The following XKR9 variants were observed in gnomAD, a reference collection of about 807,000 sequenced individuals.
The protein encoded by XKR9 is XK-related protein 9.
In XKR9, 32 loss-of-function variants were observed where a neutral mutation model predicts 32.0. The ratio of observed to expected loss-of-function variants is 1.00; its 90% CI spans 0.76 to 1.34. The LOEUF (loss-of-function observed/expected upper bound fraction) is 1.34, where lower values mean the gene tolerates loss of function less well. Among genes scored for constraint, XKR9 ranks in the 40% most tolerant of loss-of-function variants. The probability of loss-of-function intolerance (pLI) is 0.00; values close to 1 mark genes in which losing one functional copy is unlikely to be tolerated. For synonymous variants in XKR9, 168 were observed against 143.4 expected (o/e 1.17, Z -1.22); for missense variants, 546 against 429.7 (o/e 1.27, Z -2.39).
rs139857566 is a variant in XKR9, at chr8:70,699,210, T to A, written c.273-7723T>A. On this transcript the variant is annotated intron_variant, in intron 3 of 4. Coordinates refer to ENST00000408926, the MANE Select transcript of XKR9 (RefSeq NM_001011720.2). ...TAAAGTTAATATTGTTGTGTGTGAA[T>A]TTGATCCTGTCATTATGATGTTAGC... 9.4e-3 allele frequency among the ~76,000 whole-genome samples: 1,428 copies of A among 152,342 alleles called. 21 individuals carry two copies. Among genetic ancestry groups the A allele is most frequent in the African/African-American group, 0.033 (1,359 of 41,572 alleles).
chr8:70,723,819 G>T (rs1450768624), intron 4 of XKR9, among the ~76,000 whole-genome samples: 1 of 151,706 alleles, frequency 6.6e-6, no homozygotes, highest in African/African-American at 2.4e-5. Context: ...GAGGCAGTCT[G>T]TCCCTTATCA....
intron 2 of XKR9, among the ~76,000 whole-genome samples, chr8:70,758,626 C>T (rs951590504): frequency 6.6e-6 from 1 of 152,198 alleles, no homozygotes; most frequent in Non-Finnish European, 1.5e-5. Context: ...TCAGTTCTTT[C>T]TAAACATTGT....
chr8:70,857,895 G>A, the XKR9 span, among the ~76,000 whole-genome samples: 2 of 152,060 alleles, frequency 1.3e-5, no homozygotes, highest in Non-Finnish European at 2.9e-5. Context: ...TGCAGAAAAG[G>A]CCTTTGACAA....
chr8:70,805,383 C>T, the XKR9 span, among the ~76,000 whole-genome samples: 11 of 152,216 alleles, frequency 7.2e-5, no homozygotes, highest in African/African-American at 1.2e-4. Flanking sequence ...CTTAGCCTAC[C>T]GAGCTCCCGG....
At chr8:70,967,819 G>T in the XKR9 span, among the ~76,000 whole-genome samples, 1 of 151,986 alleles carries the variant, frequency 6.6e-6, no homozygotes, top group Non-Finnish European at 1.5e-5. Context: ...TAGTCTGATG[G>T]CCTTCTCTTT....
At chr8:70,908,743 T>A in the XKR9 span, among the ~76,000 whole-genome samples, 467 of 152,350 alleles carry the variant, frequency 3.1e-3, 3 homozygotes, top group African/African-American at 0.011. Context: ...TTTTTGTGTG[T>A]CATAAAATCT....
intron 4 of XKR9, among the ~76,000 whole-genome samples, chr8:70,710,370 C>T (rs1346817227): frequency 6.6e-6 from 1 of 152,132 alleles, no homozygotes; most frequent in Non-Finnish European, 1.5e-5. Context: ...CCATTCTGGA[C>T]ATAGGCCTTG....
chr8:71,053,233 T>C, the XKR9 span, among the ~76,000 whole-genome samples: 7 of 152,230 alleles, frequency 4.6e-5, no homozygotes, highest in Non-Finnish European at 7.3e-5. Flanking sequence ...TTGGAGAGTT[T>C]TGTGTGTGCA....
chr8:71,018,259 G>C, the XKR9 span, among the ~76,000 whole-genome samples: 1 of 152,096 alleles, frequency 6.6e-6, no homozygotes, highest in African/African-American at 2.4e-5. Flanking sequence ...TCAGCATATA[G>C]GCATACAGAT....
the XKR9 span, among the ~76,000 whole-genome samples, chr8:71,036,765 C>T: frequency 4.6e-5 from 7 of 152,034 alleles, no homozygotes; most frequent in East Asian, 1.3e-3. Flanking sequence ...TCATTTTTCC[C>T]TGAATACTAG....
chr8:70,760,353 G>T (rs1255507011), intron 2 of XKR9, among the ~76,000 whole-genome samples: 1 of 151,976 alleles, frequency 6.6e-6, no homozygotes, highest in Non-Finnish European at 1.5e-5. Flanking sequence ...GTTTCTTTTG[G>T]GGTTAAATAA....
chr8:70,858,745 T>C, the XKR9 span, among the ~76,000 whole-genome samples: 9 of 151,838 alleles, frequency 5.9e-5, no homozygotes, highest in African/African-American at 1.9e-4. Context: ...ATCAAGAACA[T>C]ACAGTGGGGG....
rs1352936994 is a variant in XKR9, at chr8:70,734,027, G to A, written c.725G>A (p.Gly242Asp). The A allele has an allele frequency of 4.3e-6, 7 of 1,613,164 alleles. No homozygotes were observed. Among genetic ancestry groups the A allele is most frequent in the Non-Finnish European group, 5.1e-6 (6 of 1,179,714 alleles). Residue 242 changes from glycine (G) to aspartate (D), a missense_variant, in exon 5 of 5, where the codon GGT becomes GAT. Coordinates refer to ENST00000408926, the MANE Select transcript of XKR9 (RefSeq NM_001011720.2). ...LFLLLFLWLL[G>D]IIWAFKNNTQ... ...CTGTTGTTATTTCTTTGGTTGTTAGGTATAATATGGGCATTTAAAAACAAC... is the reference window on the plus strand; with the variant it reads ...CTGTTGTTATTTCTTTGGTTGTTAGATATAATATGGGCATTTAAAAACAAC...
chr8:71,051,278 GAT>G, the XKR9 span, among the ~76,000 whole-genome samples: 2 of 152,112 alleles, frequency 1.3e-5, no homozygotes, highest in Non-Finnish European at 2.9e-5. Flanking sequence ...AAAGAAGCTT[GAT>G]ATGTTTTTGT....
the XKR9 span, among the ~76,000 whole-genome samples, chr8:70,859,640 G>T: frequency 6.6e-6 from 1 of 152,082 alleles, no homozygotes; most frequent in Non-Finnish European, 1.5e-5. Flanking sequence ...TATACACAAT[G>T]GAATACTAGT....
chr8:71,055,602 G>A, the XKR9 span, among the ~76,000 whole-genome samples: 1 of 152,114 alleles, frequency 6.6e-6, no homozygotes, highest in Non-Finnish European at 1.5e-5. Flanking sequence ...AGCAGAAAAG[G>A]ATTCTACTGA....
At chr8:70,845,216 A>G in the XKR9 span, among the ~76,000 whole-genome samples, 2 of 152,214 alleles carry the variant, frequency 1.3e-5, no homozygotes, top group East Asian at 3.8e-4. Context: ...AGACTACACT[A>G]CTGCATACAC....
At chr8:71,044,795 A>G in the XKR9 span, among the ~76,000 whole-genome samples, 6 of 152,378 alleles carry the variant, frequency 3.9e-5, no homozygotes, top group African/African-American at 1.4e-4. Flanking sequence ...AATAATTAAA[A>G]TAAATAGGCA....
intron 2 of XKR9, among the ~76,000 whole-genome samples, chr8:70,747,207 C>A (rs1807070841): frequency 6.6e-6 from 1 of 152,100 alleles, no homozygotes; most frequent in African/African-American, 2.4e-5. Context: ...GTGAATAGTG[C>A]TGAGATAGAC....
Sources: gnomAD v4.1 joint callset for allele counts (sites outside exome capture counted in the v4.1 genomes callset) on GRCh38, gnomAD v4.1.1 for gene constraint, MANE v1.5 for transcripts, NCBI Gene and HGNC (gene_info 2026-07-23, HGNC 2026-07-21) for gene names.